Variants in PRKCH observed in about 807,000 individuals in gnomAD.
The protein encoded by PRKCH is protein kinase C eta, also known as protein kinase C eta type.
A neutral mutation model predicts 82.5 loss-of-function variants in PRKCH; 28 were observed. The ratio of observed to expected loss-of-function variants is 0.34; its 90% CI spans 0.25 to 0.47. The LOEUF (loss-of-function observed/expected upper bound fraction) is 0.47. PRKCH is among the 20% of genes least tolerant of loss of function. The probability of loss-of-function intolerance (pLI) is 1.00; values close to 1 mark genes in which losing one functional copy is unlikely to be tolerated. For synonymous variants in PRKCH, 322 were observed against 327.4 expected (o/e 0.98, Z 0.18); for missense variants, 705 against 881.8 (o/e 0.80, Z 2.54).
intron 7 of PRKCH, among the ~76,000 whole-genome samples, chr14:61,453,860 G>C (rs530018822): frequency 6.6e-6 from 1 of 151,438 alleles, no homozygotes; most frequent in South Asian, 2.1e-4. Context: ...GTCTCACTTT[G>C]TTGCGCAGGC....
intron 1 of PRKCH, among the ~76,000 whole-genome samples, chr14:61,210,761 T>G (rs1448233860): frequency 2.0e-4 from 1 of 5,024 alleles, no homozygotes; most frequent in African/African-American, 2.3e-4. Context: ...CCTTTCTCTC[T>G]CTCTCTCTCT....
intron 2 of PRKCH, among the ~76,000 whole-genome samples, chr14:61,428,112 C>CACATATATATATATATATATATATATAT (rs1391102641): frequency 2.1e-5 from 3 of 145,524 alleles, no homozygotes; most frequent in South Asian, 2.1e-4. Context: ...TATATACACA[C>CACATATATATATATATATATATATATAT]ATATATATAT....
chr14:61,407,106 T>A (rs7140526), intron 2 of PRKCH, among the ~76,000 whole-genome samples: 103,065 of 151,944 alleles, frequency 0.68, 35,300 homozygotes, highest in East Asian at 0.8. Context: ...AATAGGGTAG[T>A]TTTAAGCAAG....
intron 1 of PRKCH, chr14:61,281,923 C>A (rs2045273754): frequency 7.7e-6 from 1 of 129,216 alleles, no homozygotes. Context: ...ATTTTCTGGC[C>A]AGATCACCCA....
chr14:61,244,292 G>A (rs1207022813), intron 1 of PRKCH, among the ~76,000 whole-genome samples: 2 of 152,112 alleles, frequency 1.3e-5, no homozygotes, highest in African/African-American at 2.4e-5. Flanking sequence ...TTTTTCAGCT[G>A]AGGAGTGCAA....
At chr14:61,356,561 A>G (rs1162214650) in intron 1 of PRKCH, among the ~76,000 whole-genome samples, 1 of 152,196 alleles carries the variant, frequency 6.6e-6, no homozygotes, top group African/African-American at 2.4e-5. Context: ...TATTGGCTTA[A>G]GTAGTAAGAG....
chr14:61,280,100 C>T lies in PRKCH; in HGVS notation c.-19+92432C>T. The T allele has an allele frequency of 6.2e-7, 1 of 1,605,352 alleles. No homozygotes were observed. Among genetic ancestry groups the T allele is most frequent in the Non-Finnish European group, 8.5e-7 (1 of 1,175,594 alleles). ...TCCCTGGAAAGCCGGAATCACTCCT[C>T]GTCGTCGTCGTCCTGGTCCTGGTAG... On this transcript the variant is annotated intron_variant, in intron 1 of 3. Transcript: ENST00000555185. This position sits in a 1 kb window ranked among gnomAD's most constrained non-coding sequence, Gnocchi z 5.0.
Position 61,471,824 on chromosome 14 carries a change from G to C in PRKCH, c.1279-13678G>C, listed in dbSNP as rs8022183. On this transcript the variant is annotated intron_variant, in intron 9 of 13. Transcript: ENST00000332981. ...CAACCAAACATATCGCCAGACATTG[G>C]TTCCCAGGGGGGAAGAATCTCCCCT... 5.1e-3 allele frequency among the ~76,000 whole-genome samples: 771 copies of C among 152,192 alleles called. 6 individuals carry two copies. The highest frequency in any genetic ancestry group is 0.018 in the African/African-American group (739 of 41,502).
At chr14:61,399,201 G>A (rs1453732571) in intron 2 of PRKCH, among the ~76,000 whole-genome samples, 1 of 152,182 alleles carries the variant, frequency 6.6e-6, no homozygotes, top group Middle Eastern at 3.2e-3. Context: ...ATTATATGTT[G>A]CATGTGGTTT....
Position 61,280,784 on chromosome 14 carries a change from G to T in PRKCH, c.-19+93116G>T. The T allele has an allele frequency of 6.4e-7, 1 of 1,555,470 alleles. No individual in the cohort carries two copies. Among genetic ancestry groups the T allele is most frequent in the Non-Finnish European group, 8.6e-7 (1 of 1,159,720 alleles). On this transcript the variant is annotated intron_variant, in intron 1 of 3. Transcript: ENST00000555185. This position sits in a 1 kb window ranked among gnomAD's most constrained non-coding sequence, Gnocchi z 5.0. ...TCGTCGCGGGACACGCCGTAGCGCCGGTTGTTCTGGTAGAAGTTGGTCAGC... is the reference window on the plus strand; with the variant it reads ...TCGTCGCGGGACACGCCGTAGCGCCTGTTGTTCTGGTAGAAGTTGGTCAGC...
intron 12 of PRKCH, chr14:61,537,946 G>A (rs996491200): frequency 1.3e-5 from 2 of 152,230 alleles, no homozygotes; most frequent in African/African-American, 4.8e-5. Context: ...TTAATTCGGG[G>A]ATCCTCTTTT....
intron 1 of PRKCH, among the ~76,000 whole-genome samples, chr14:61,218,764 G>A (rs1377747108): frequency 2.0e-5 from 3 of 152,080 alleles, no homozygotes; most frequent in Admixed American, 6.6e-5. Context: ...TTCTTTGATC[G>A]TCAAATGTTT....
At chr14:61,379,572 A>G (rs770026137) in intron 1 of PRKCH, among the ~76,000 whole-genome samples, 14 of 152,190 alleles carry the variant, frequency 9.2e-5, no homozygotes, top group South Asian at 2.1e-4. Flanking sequence ...AACAATGTAG[A>G]ATTATTCTCG....
chr14:61,219,457 T>C (rs1252769208), intron 1 of PRKCH, among the ~76,000 whole-genome samples: 1 of 152,236 alleles, frequency 6.6e-6, no homozygotes, highest in Non-Finnish European at 1.5e-5. Flanking sequence ...GAGTCATCTC[T>C]GTTTCTGTTG....
intron 1 of PRKCH, among the ~76,000 whole-genome samples, chr14:61,244,766 C>T (rs1345200359): frequency 6.6e-6 from 1 of 152,200 alleles, no homozygotes; most frequent in Admixed American, 6.5e-5. Context: ...AGTCCGCCCT[C>T]AACTGGTCTT....
intron 12 of PRKCH, among the ~76,000 whole-genome samples, chr14:61,542,118 C>T (rs973955280): frequency 1.6e-4 from 24 of 151,494 alleles, no homozygotes; most frequent in African/African-American, 5.3e-4. Flanking sequence ...GGTGAAACCC[C>T]GTCTCTACTA....
At chr14:61,499,374 G>C (rs982069668) in intron 10 of PRKCH, among the ~76,000 whole-genome samples, 2 of 152,186 alleles carry the variant, frequency 1.3e-5, no homozygotes, top group African/African-American at 4.8e-5. Context: ...CAGTTGCAAA[G>C]AGAAGTTAGT....
chr14:61,490,523 A>G (rs920028568), intron 10 of PRKCH, among the ~76,000 whole-genome samples: 1 of 152,160 alleles, frequency 6.6e-6, no homozygotes, highest in Non-Finnish European at 1.5e-5. Context: ...CTGACTCCAG[A>G]TAACTCAGCT....
At chr14:61,542,935 G>A (rs1423632436) in intron 12 of PRKCH, among the ~76,000 whole-genome samples, 2 of 152,172 alleles carry the variant, frequency 1.3e-5, no homozygotes, top group East Asian at 1.9e-4. Flanking sequence ...GGCGCTTTAC[G>A]TTAATTCTCT....
Sources: allele counts gnomAD v4.1 joint callset (sites outside exome capture counted in the v4.1 genomes callset), GRCh38; gene constraint gnomAD v4.1.1; non-coding constraint Gnocchi (gnomAD v3.1); transcripts MANE v1.5; gene names NCBI Gene and HGNC (gene_info 2026-07-23, HGNC 2026-07-21).